The following HDAC9 variants were observed in gnomAD, a reference collection of about 807,000 sequenced individuals.
HDAC9 encodes histone deacetylase 9.
HDAC9 carries 41 observed loss-of-function variants against 139.4 expected under a neutral mutation model. The observed-to-expected ratio is 0.29, with a 90% CI of 0.23 to 0.38. HDAC9 has a LOEUF of 0.38. HDAC9 is among the 10% of genes least tolerant of loss of function. The pLI, the probability that HDAC9 is intolerant of heterozygous loss-of-function variation, is 1.00. For synonymous variants in HDAC9, 517 were observed against 476.2 expected (o/e 1.09, Z -1.12); for missense variants, 1,147 against 1,297.0 (o/e 0.88, Z 1.78).
intron 25 of HDAC9, among the ~76,000 whole-genome samples, chr7:18,980,709 TTCTTCC>T (rs369679827): frequency 6.8e-5 from 10 of 146,696 alleles, no homozygotes; most frequent in Admixed American, 2.7e-4. Context: ...TTCTTCTTCC[TTCTTCC>T]TCTTCTTCTT....
chr7:18,528,623 T>A (rs1186259554), intron 2 of HDAC9, among the ~76,000 whole-genome samples: 1 of 152,138 alleles, frequency 6.6e-6, no homozygotes, highest in East Asian at 1.9e-4. Flanking sequence ...TAATAGGAAT[T>A]TTATTCTAGG....
intron 1 of HDAC9, among the ~76,000 whole-genome samples, chr7:18,456,143 C>A (rs1793323237): frequency 6.6e-6 from 1 of 152,100 alleles, no homozygotes; most frequent in Non-Finnish European, 1.5e-5. Context: ...TACAGCTGAG[C>A]TAGAACAAAT....
intron 12 of HDAC9, among the ~76,000 whole-genome samples, chr7:18,692,461 T>C (rs1399070511): frequency 6.6e-6 from 1 of 152,116 alleles, no homozygotes; most frequent in Non-Finnish European, 1.5e-5. Context: ...ACATAGGTAA[T>C]AAGCTTTTAA....
intron 12 of HDAC9, among the ~76,000 whole-genome samples, chr7:18,707,771 C>G (rs1784041569): frequency 6.6e-6 from 1 of 152,000 alleles, no homozygotes; most frequent in African/African-American, 2.4e-5. Context: ...GAGAAGAAAA[C>G]TTTCTTAAAA....
At position 18,381,495 on chromosome 7, in the gene HDAC9, A is replaced by G. The variant is rs6943265; in HGVS notation, c.-42+90980A>G. ...CTTTCTAAATTTTGGGATCAAAAGG[A>G]AATAAAAACTAATCACTGACAAGAA... On this transcript the variant is annotated intron_variant, in intron 1 of 3. Transcript: ENST00000413509. 7.6e-3 allele frequency among the ~76,000 whole-genome samples: 1,156 copies of G among 152,148 alleles called. 20 individuals carry two copies. Among genetic ancestry groups the G allele is most frequent in the African/African-American group, 0.027 (1,111 of 41,554 alleles).
At chr7:18,732,495 ATATGTGTATATACATATATACACTGTATG>A (rs1305397861) in intron 13 of HDAC9, among the ~76,000 whole-genome samples, 1 of 150,890 alleles carries the variant, frequency 6.6e-6, no homozygotes, top group African/African-American at 2.4e-5. Flanking sequence ...ATATGTGTAT[ATATGTGTATATACATATATACACTGTATG>A]TATGTGTATA....
chr7:18,682,707 G>A (rs935378836), intron 12 of HDAC9, among the ~76,000 whole-genome samples: 1 of 151,998 alleles, frequency 6.6e-6, no homozygotes, highest in Non-Finnish European at 1.5e-5. Flanking sequence ...TGAGGTGACA[G>A]TTAATTCAGA....
At chr7:18,265,557 G>A (rs1222725129) in intron 2 of HDAC9, among the ~76,000 whole-genome samples, 1 of 152,012 alleles carries the variant, frequency 6.6e-6, no homozygotes, top group Admixed American at 6.6e-5. Flanking sequence ...TGATAATTCA[G>A]TAGATTCCTA....
chr7:18,308,408 A>T (rs1799074011), intron 1 of HDAC9, among the ~76,000 whole-genome samples: 1 of 152,190 alleles, frequency 6.6e-6, no homozygotes, highest in Admixed American at 6.5e-5. Flanking sequence ...TCTGATCTGT[A>T]ATTATTTAAG....
chr7:18,590,571 G>T, intron 4 of HDAC9, 85 bp downstream of exon 4: 4 of 1,329,016 alleles, frequency 3.0e-6, no homozygotes, highest in Non-Finnish European at 2.0e-6. Context: ...TAAAGAGTGC[G>T]GTTAGACTCG....
chr7:18,654,349 G>T (rs1790366226), intron 11 of HDAC9, among the ~76,000 whole-genome samples: 1 of 151,958 alleles, frequency 6.6e-6, no homozygotes. Context: ...CATCTTTTCA[G>T]CACCTTCTCC....
At chr7:18,810,060 AT>A (rs1330416736) in intron 17 of HDAC9, among the ~76,000 whole-genome samples, 1 of 151,978 alleles carries the variant, frequency 6.6e-6, no homozygotes. Flanking sequence ...AAATTTTGCC[AT>A]TTTCAACAAC....
chr7:18,111,748 A>T (rs1353769362), intron 1 of HDAC9, among the ~76,000 whole-genome samples: 1 of 152,226 alleles, frequency 6.6e-6, no homozygotes, highest in East Asian at 1.9e-4. Context: ...ATCCATAGAT[A>T]CGGAGGGCCA....
At chr7:18,482,434 C>A (rs1047397007) in intron 1 of HDAC9, among the ~76,000 whole-genome samples, 8 of 119,108 alleles carry the variant, frequency 6.7e-5, no homozygotes, top group Non-Finnish European at 1.2e-4. Context: ...TTGGCTGCCA[C>A]GTCTCAGGGA....
rs1444664743 is a variant in HDAC9, at chr7:18,496,351, G to A, written c.22+27G>A. The A allele has an allele frequency of 5.0e-6, 8 of 1,602,858 alleles. No homozygotes were observed. The Admixed American group carries it at 1.0e-4, about 20-fold the overall frequency. The stretch of plus-strand genomic sequence containing the variant: ...TAAGATCCTCTTTCATAACTGAGAC[G>A]TTTTAGGTTTGAAAGGGGGCTGGCT... On this transcript the variant is annotated intron_variant, in intron 2 of 25. Coordinates refer to ENST00000686413, the MANE Select transcript of HDAC9 (RefSeq NM_178425.4).
At chr7:18,494,617 G>A (rs760573859), upstream of HDAC9, among the ~76,000 whole-genome samples, 6 of 152,178 alleles carry the variant, frequency 3.9e-5, no homozygotes, top group East Asian at 1.2e-3. Flanking sequence ...GGATATAAAT[G>A]TAGCACCAGA....
chr7:18,284,938 A>G (rs184915880), intron 2 of HDAC9, among the ~76,000 whole-genome samples: 5 of 152,280 alleles, frequency 3.3e-5, no homozygotes, highest in South Asian at 2.1e-4. Flanking sequence ...TAAGGACCCA[A>G]TGACAGTTGT....
At chr7:18,713,877 T>A (rs1784517551) in intron 12 of HDAC9, among the ~76,000 whole-genome samples, 1 of 150,654 alleles carries the variant, frequency 6.6e-6, no homozygotes, top group Non-Finnish European at 1.5e-5. Flanking sequence ...CACCTTGTTA[T>A]AACGTATTTT....
chr7:18,766,885 T>G lies in HDAC9; in HGVS notation c.2165-221T>G, dbSNP rs530840759. On this transcript the variant is annotated intron_variant, in intron 15 of 25. Coordinates refer to ENST00000686413, the MANE Select transcript of HDAC9 (RefSeq NM_178425.4). ...CAATAGACTCTACATGCAATAAAATTTATATTGATTTGCTTTTAGTTCTTA... is the reference window on the plus strand; with the variant it reads ...CAATAGACTCTACATGCAATAAAATGTATATTGATTTGCTTTTAGTTCTTA... 1.3e-3 allele frequency among the ~76,000 whole-genome samples: 205 copies of G among 152,274 alleles called. 6 individuals carry two copies. Among genetic ancestry groups the G allele is most frequent in the Admixed American group, 0.012 (190 of 15,296 alleles).
Sources: allele counts gnomAD v4.1 joint callset (sites outside exome capture counted in the v4.1 genomes callset), GRCh38; gene constraint gnomAD v4.1.1; transcripts MANE v1.5; gene names NCBI Gene and HGNC (gene_info 2026-07-23, HGNC 2026-07-21).